MICAL2: variants seen among roughly 807,000 people sequenced by gnomAD.
The protein encoded by MICAL2 is microtubule associated monooxygenase, calponin and LIM domain containing 2, also known as [F-actin]-monooxygenase MICAL2.
In MICAL2, 77 loss-of-function variants were observed where a neutral mutation model predicts 127.3. The observed-to-expected ratio is 0.60, with a 90% confidence interval of 0.50 to 0.73. The LOEUF is 0.73. Ranked by LOEUF, MICAL2 falls within the 30% of genes least tolerant of loss-of-function variation. The pLI is 0.00. For synonymous variants in MICAL2, 570 were observed against 551.1 expected (o/e 1.03, Z -0.48); for missense variants, 1,351 against 1,434.4 (o/e 0.94, Z 0.94).
At chr11:12,149,857 A>G (rs1321048219) in intron 2 of MICAL2, among the ~76,000 whole-genome samples, 1 of 152,198 alleles carries the variant, frequency 6.6e-6, no homozygotes, top group Non-Finnish European at 1.5e-5. Context: ...GGACACAGAT[A>G]CTGGTTGAAC....
chr11:12,255,845 C>T (rs1053293526), intron 23 of MICAL2, 95 bp downstream of exon 23: 24 of 909,958 alleles, frequency 2.6e-5, no homozygotes, highest in African/African-American at 6.6e-5. Flanking sequence ...CTGGCCCTCC[C>T]GAGGCTCCTC....
intron 32 of MICAL2, among the ~76,000 whole-genome samples, chr11:12,337,643 G>C (rs917356237): frequency 7.2e-5 from 11 of 151,794 alleles, no homozygotes; most frequent in African/African-American, 2.7e-4. Flanking sequence ...CAGAGATTCT[G>C]GTATGTTGTG....
At chr11:12,319,604 A>C in intron 29 of MICAL2, 1 of 895,032 alleles carries the variant, frequency 1.1e-6, no homozygotes, top group Admixed American at 1.9e-5. Flanking sequence ...GAAGGGAATG[A>C]GAGTAAGTGG....
At chr11:12,222,529 C>A in intron 10 of MICAL2, 88 bp from the exon 11 acceptor site, 2 of 1,554,154 alleles carry the variant, frequency 1.3e-6, no homozygotes, top group Non-Finnish European at 1.8e-6. Context: ...AGCCCTTGAG[C>A]CAGAGGAAGG....
At chr11:12,358,489 T>C (rs1335430763), downstream of MICAL2, 2 of 1,612,178 alleles carry the variant, frequency 1.2e-6, no homozygotes, top group Admixed American at 1.7e-5. Context: ...AGGAGGCCCG[T>C]AGTCCCTCTC....
At position 12,261,041 on chromosome 11, in the gene MICAL2, C is replaced by T. The variant is rs536121292; in HGVS notation, c.3334+1144C>T. On this transcript the variant is annotated intron_variant, in intron 26 of 27. Coordinates refer to ENST00000683283, the MANE Select transcript of MICAL2 (RefSeq NM_001282663.2). Reference sequence around the variant, plus strand: ...GTGGCTCCCAGCGGATCCCCCAGCCCGGGCTGCAGGCTGAGCCAAGGCTGT... The same window carrying T: ...GTGGCTCCCAGCGGATCCCCCAGCCTGGGCTGCAGGCTGAGCCAAGGCTGT... 14 of 985,552 alleles carry T rather than the reference C, an allele frequency of 1.4e-5. No homozygotes were observed. In the Admixed American group the frequency reaches 2.5e-4, roughly 17 times the overall value. 61.1% of individuals were successfully genotyped at this position (985,552 alleles called of 1,614,324 possible).
chr11:12,136,717 G>A (rs1254026609), intron 1 of MICAL2, among the ~76,000 whole-genome samples: 1 of 152,182 alleles, frequency 6.6e-6, no homozygotes, highest in Non-Finnish European at 1.5e-5. Flanking sequence ...TTGTTGGTCA[G>A]ACAAAGGGTA....
intron 22 of MICAL2, among the ~76,000 whole-genome samples, chr11:12,250,424 C>T (rs908863037): frequency 6.6e-6 from 1 of 152,202 alleles, no homozygotes; most frequent in Admixed American, 6.5e-5. Flanking sequence ...CTGCCGCGTG[C>T]CTCCTGCATG....
intron 34 of MICAL2, among the ~76,000 whole-genome samples, chr11:12,357,130 C>G (rs528790210): frequency 6.6e-6 from 1 of 152,292 alleles, no homozygotes; most frequent in African/African-American, 2.4e-5. Context: ...CTACCTGCTT[C>G]CTGGCCCAGA....
chr11:12,205,643 G>A (rs1486682673), intron 4 of MICAL2, among the ~76,000 whole-genome samples: 2 of 152,132 alleles, frequency 1.3e-5, no homozygotes, highest in Non-Finnish European at 2.9e-5. Context: ...ATCTGGCTTG[G>A]GGCAAATCCC....
intron 2 of MICAL2, among the ~76,000 whole-genome samples, chr11:12,143,011 C>T (rs772015264): frequency 7.2e-5 from 11 of 152,150 alleles, no homozygotes; most frequent in Non-Finnish European, 1.2e-4. Flanking sequence ...AGACCTAGTC[C>T]CTTTACTCCT....
rs142666924 is a variant in MICAL2, at chr11:12,137,688, T to C, written c.-148-702T>C. Among the ~76,000 whole-genome samples the C allele has an allele frequency of 4.8e-3, 729 of 152,320 alleles. 3 individuals are homozygous for C. Among genetic ancestry groups the C allele is most frequent in the Non-Finnish European group, 7.7e-3 (525 of 68,028 alleles). On this transcript the variant is annotated intron_variant, in intron 1 of 27. Transcript: ENST00000683283. ...CCTGGAGTATGAATATTGCCTCTTATAGATGTCAAATTTCACACCTGTGTT... is the reference window on the plus strand; with the variant it reads ...CCTGGAGTATGAATATTGCCTCTTACAGATGTCAAATTTCACACCTGTGTT...
At chr11:12,292,391 C>T, downstream of MICAL2, 1 of 1,404,880 alleles carries the variant, frequency 7.1e-7, no homozygotes, top group South Asian at 1.2e-5. Flanking sequence ...TCCACGTGCT[C>T]ATAGGTCAAC....
At position 12,216,276 on chromosome 11, in the gene MICAL2, C is replaced by G. The variant is rs1224838865; in HGVS notation, c.905C>G (p.Thr302Arg). 6.2e-7 allele frequency: 1 copy of G among 1,614,078 alleles called. No individual in the cohort carries two copies. Among genetic ancestry groups the G allele is most frequent in the Non-Finnish European group, 8.5e-7 (1 of 1,179,952 alleles). Residue 302 changes from threonine to arginine, a missense_variant, in exon 8 of 28, where the codon ACA becomes AGA. Physicochemically the swap from Thr to Arg is moderately conservative, Grantham distance 71. Around this residue, in one of 2 missense-constraint regions of MICAL2, gnomAD observed 599 missense variants for 714.9 expected, o/e 0.84. Coordinates refer to ENST00000683283, the MANE Select transcript of MICAL2 (RefSeq NM_001282663.2). Reference protein sequence around the residue: ...YKDCTHYFVMTAKKQSLLDKG... With the variant: ...YKDCTHYFVMRAKKQSLLDKG... ...GACTGCACCCACTATTTTGTAATGA[C>G]AGCCAAGAAGCAGAGCCTGCTCGAC...
intron 3 of MICAL2, among the ~76,000 whole-genome samples, chr11:12,167,325 G>C (rs1350108132): frequency 6.6e-6 from 1 of 152,142 alleles, no homozygotes; most frequent in Non-Finnish European, 1.5e-5. Flanking sequence ...GTATGCAGCA[G>C]GGTCACCACA....
chr11:12,234,514 G>A (rs1409949399), intron 15 of MICAL2, among the ~76,000 whole-genome samples: 2 of 152,164 alleles, frequency 1.3e-5, no homozygotes, highest in African/African-American at 4.8e-5. Flanking sequence ...CAAGCTTTTG[G>A]CTTAAAATCT....
intron 29 of MICAL2, among the ~76,000 whole-genome samples, chr11:12,316,968 A>G (rs1453929939): frequency 6.6e-6 from 1 of 152,136 alleles, no homozygotes; most frequent in African/African-American, 2.4e-5. Flanking sequence ...GCTAGGTAGA[A>G]CTTGAACATC....
At chr11:12,120,222 A>G (rs12270797) in intron 1 of MICAL2, among the ~76,000 whole-genome samples, 1,655 of 152,366 alleles carry the variant, frequency 0.011, 36 homozygotes, top group African/African-American at 0.038. Context: ...TTAAAAATAC[A>G]GAAGTTAACT....
intron 3 of MICAL2, among the ~76,000 whole-genome samples, chr11:12,193,153 G>T (rs1471373557): frequency 6.6e-6 from 1 of 152,174 alleles, no homozygotes; most frequent in African/African-American, 2.4e-5. Flanking sequence ...AGACTCCTAA[G>T]CTGTGTTCAT....
Sources: allele counts gnomAD v4.1 joint callset (sites outside exome capture counted in the v4.1 genomes callset), GRCh38; gene constraint gnomAD v4.1.1; regional missense constraint gnomAD v4.1.1; transcripts MANE v1.5; gene names NCBI Gene and HGNC (gene_info 2026-07-23, HGNC 2026-07-21).